Variants in INPP4B observed in about 807,000 individuals in gnomAD.
INPP4B encodes inositol polyphosphate-4-phosphatase type II B.
INPP4B carries 55 observed loss-of-function variants against 122.5 expected under a neutral mutation model. That is an observed-to-expected ratio of 0.45 (90% CI 0.36 to 0.56). The LOEUF is 0.56. Among genes scored for constraint, INPP4B ranks in the 20% least tolerant of loss-of-function variants. INPP4B has a pLI of 0.00. For missense variants in INPP4B, 1,000 were observed against 1,097.7 expected (o/e 0.91, Z 1.26); for synonymous variants, 403 against 388.7 (o/e 1.04, Z -0.43).
chr4:142,240,838 G>A (rs1390050868), intron 11 of INPP4B, among the ~76,000 whole-genome samples: 2 of 152,086 alleles, frequency 1.3e-5, no homozygotes, highest in African/African-American at 4.8e-5. Flanking sequence ...ATGCAGATTT[G>A]TTGCACTGGT....
intron 18 of INPP4B, among the ~76,000 whole-genome samples, chr4:142,126,380 C>T (rs987712585): frequency 6.6e-6 from 1 of 151,986 alleles, no homozygotes; most frequent in Non-Finnish European, 1.5e-5. Flanking sequence ...CACTATCGTA[C>T]CATGTCTACT....
At chr4:142,299,756 C>G (rs1010120614) in intron 9 of INPP4B, among the ~76,000 whole-genome samples, 1 of 151,966 alleles carries the variant, frequency 6.6e-6, no homozygotes, top group Non-Finnish European at 1.5e-5. Flanking sequence ...AAAACTCTTA[C>G]TGTTGTGGAG....
intron 2 of INPP4B, among the ~76,000 whole-genome samples, chr4:142,685,934 A>T (rs1411042255): frequency 1.3e-5 from 2 of 152,096 alleles, no homozygotes; most frequent in African/African-American, 4.8e-5. Context: ...TAAATATTTG[A>T]TTTAGAAAAC....
chr4:142,741,221 A>G (rs1187680242), intron 1 of INPP4B, among the ~76,000 whole-genome samples: 1 of 152,068 alleles, frequency 6.6e-6, no homozygotes, highest in Non-Finnish European at 1.5e-5. Flanking sequence ...ACAGTTCTGC[A>G]GGCTATACAA....
intron 25 of INPP4B, among the ~76,000 whole-genome samples, chr4:142,073,666 C>A (rs1212612766): frequency 6.6e-6 from 1 of 152,002 alleles, no homozygotes; most frequent in Admixed American, 6.6e-5. Flanking sequence ...TATATGAATT[C>A]ATGGATATCA....
rs1253622034 is a variant in INPP4B, at chr4:142,687,626, T to C, written c.-191+38213A>G. Among the ~76,000 whole-genome samples the C allele has an allele frequency of 2.7e-5, 4 of 147,176 alleles. No individual in the cohort carries two copies. In the East Asian group the frequency reaches 8.0e-4, roughly 29 times the overall value. ...AAGCCTTGGGCTAGCCCAGGTAATG[T>C]GAGTTGTGCGGGTTCTGCAGGGCAA... On this transcript the variant is annotated intron_variant, in intron 2 of 25. Transcript: ENST00000262992.
chr4:142,554,096 G>A (rs1728569841), intron 2 of INPP4B, among the ~76,000 whole-genome samples: 2 of 151,448 alleles, frequency 1.3e-5, no homozygotes, highest in South Asian at 2.1e-4. Flanking sequence ...GGGTGAGGCA[G>A]GAGAATTGTT....
rs532612972 is a variant in INPP4B at position 142,685,235 on chromosome 4, A to ACAGG, written c.-191+40600_-191+40603dup. Reference sequence around the variant, plus strand: ...CAACAGAGTTCTATACTTGCCTGAGACAGGCAAATATATAGTATTTTACAA... The same window carrying ACAGG: ...CAACAGAGTTCTATACTTGCCTGAGACAGGCAGGCAAATATATAGTATTTTACAA... On this transcript the variant is annotated intron_variant, in intron 2 of 25. Coordinates refer to ENST00000262992, the MANE Select transcript of INPP4B (RefSeq NM_001101669.3). Among the ~76,000 whole-genome samples, 6 of 152,170 alleles carry ACAGG rather than the reference A, an allele frequency of 3.9e-5. No homozygotes were observed. The South Asian group carries it at 1.2e-3, about 32-fold the overall frequency.
At chr4:142,762,451 T>C (rs1399593933) in intron 1 of INPP4B, among the ~76,000 whole-genome samples, 1 of 152,166 alleles carries the variant, frequency 6.6e-6, no homozygotes, top group Non-Finnish European at 1.5e-5. Flanking sequence ...GAGGTGAGCT[T>C]ACTCAAGAGT....
chr4:142,108,619 A>T (rs553332259), intron 22 of INPP4B, among the ~76,000 whole-genome samples: 9 of 152,294 alleles, frequency 5.9e-5, no homozygotes, highest in African/African-American at 1.9e-4. Context: ...CCAGCACTGG[A>T]CACTGGGCTG....
chr4:142,079,141 C>A (rs751362006), intron 25 of INPP4B, among the ~76,000 whole-genome samples: 22 of 151,870 alleles, frequency 1.4e-4, no homozygotes, highest in Non-Finnish European at 2.6e-4. Flanking sequence ...TAAACTACAT[C>A]TTGATACATT....
At chr4:142,305,685 C>A in intron 8 of INPP4B, 148 bp from the exon 9 acceptor site, 1 of 1,456,892 alleles carries the variant, frequency 6.9e-7, no homozygotes, top group Non-Finnish European at 9.1e-7. Context: ...ATAAAATTAT[C>A]AATAATATAT....
At chr4:142,575,011 G>C (rs1385486167) in intron 2 of INPP4B, among the ~76,000 whole-genome samples, 1 of 152,078 alleles carries the variant, frequency 6.6e-6, no homozygotes, top group Non-Finnish European at 1.5e-5. Context: ...CATTTCGCTA[G>C]CACTGAGAGT....
At chr4:142,178,879 T>C (rs1829536286) in intron 15 of INPP4B, among the ~76,000 whole-genome samples, 1 of 148,380 alleles carries the variant, frequency 6.7e-6, no homozygotes, top group Admixed American at 6.7e-5. Flanking sequence ...GAGGAAGGAA[T>C]ATATATGCTC....
chr4:142,049,576 C>T (rs1251932755), intron 25 of INPP4B, among the ~76,000 whole-genome samples: 5 of 151,662 alleles, frequency 3.3e-5, no homozygotes, highest in South Asian at 2.1e-4. Context: ...ATAGGTTAAG[C>T]GGACTGGTGG....
chr4:142,545,788 T>TATGTGTGTATATATATACACATATAC (rs1399914770), intron 2 of INPP4B, among the ~76,000 whole-genome samples: 2 of 105,850 alleles, frequency 1.9e-5, no homozygotes, highest in African/African-American at 6.4e-5. Context: ...TACACATATA[T>TATGTGTGTATATATATACACATATAC]ATGTGTGTAT....
chr4:142,306,887 AAAAGGAAAGG>A (rs551292468), intron 8 of INPP4B, among the ~76,000 whole-genome samples: 1 of 152,132 alleles, frequency 6.6e-6, no homozygotes, highest in Non-Finnish European at 1.5e-5. Flanking sequence ...AAAAAGAAAG[AAAAGGAAAGG>A]AAAGGAAAGG....
chr4:142,230,388 G>C (rs1336461435), intron 12 of INPP4B, among the ~76,000 whole-genome samples: 2 of 152,078 alleles, frequency 1.3e-5, no homozygotes, highest in Non-Finnish European at 2.9e-5. Flanking sequence ...GCTCACATCT[G>C]TAATCCCAGC....
At chr4:142,384,187 T>C in intron 7 of INPP4B, 3 of 699,666 alleles carry the variant, frequency 4.3e-6, no homozygotes, top group Non-Finnish European at 5.2e-6. Flanking sequence ...AGAATTCCAG[T>C]ACATGTGGGT....
Sources: allele counts gnomAD v4.1 joint callset (sites outside exome capture counted in the v4.1 genomes callset), GRCh38; gene constraint gnomAD v4.1.1; transcripts MANE v1.5; gene names NCBI Gene and HGNC (gene_info 2026-07-23, HGNC 2026-07-21).